GRHL3: variants seen among roughly 807,000 people sequenced by gnomAD.
GRHL3 encodes grainyhead like transcription factor 3, also known as grainyhead-like protein 3 homolog.
A neutral mutation model predicts 70.3 loss-of-function variants in GRHL3; 20 were observed. The ratio of observed to expected loss-of-function variants is 0.28; its 90% confidence interval spans 0.20 to 0.41. The LOEUF (loss-of-function observed/expected upper bound fraction) is 0.41, where lower values mean the gene tolerates loss of function less well. Among genes scored for constraint, GRHL3 ranks in the 10% least tolerant of loss-of-function variants. The pLI is 1.00. For missense variants in GRHL3, 637 were observed against 762.3 expected, an observed-to-expected ratio of 0.84 and a Z score of 1.94; for synonymous variants, 299 against 299.9, an observed-to-expected ratio of 1.00 and a Z score of 0.03.
intron 12 of GRHL3, among the ~76,000 whole-genome samples, chr1:24,346,201 G>A (rs1402511658): frequency 2.7e-5 from 4 of 150,640 alleles, no homozygotes; most frequent in African/African-American, 9.8e-5. Context: ...CATTTATTGA[G>A]GCCCTCCTGT....
At chr1:24,347,812 T>C (rs1640352242) in intron 14 of GRHL3, among the ~76,000 whole-genome samples, 1 of 152,250 alleles carries the variant, frequency 6.6e-6, no homozygotes, top group Non-Finnish European at 1.5e-5. Flanking sequence ...GGCTGCTGTC[T>C]GACAGGCCAG....
intron 11 of GRHL3, chr1:24,343,293 C>G: frequency 2.3e-6 from 1 of 434,546 alleles, no homozygotes; most frequent in East Asian, 3.8e-5. Flanking sequence ...CTTCTGATAT[C>G]TGACCCCAAA....
In GRHL3 at chr1:24,347,460, C is replaced by T. The variant is rs1159114462; in HGVS notation, c.1544-8C>T. ...TTCCTTGCACTCAAGCTGGCCCTTGCTTTTCAGTTCTGCTGTATGTGCGGA... is the reference window on the plus strand; with the variant it reads ...TTCCTTGCACTCAAGCTGGCCCTTGTTTTTCAGTTCTGCTGTATGTGCGGA... On this transcript the variant is annotated splice_region_variant and splice_polypyrimidine_tract_variant and intron_variant, in intron 13 of 15. Transcript: ENST00000361548. 2 of 1,613,306 alleles carry T rather than the reference C, an allele frequency of 1.2e-6. No individual in the cohort carries two copies. Among genetic ancestry groups the T allele is most frequent in the South Asian group, 2.2e-5 (2 of 91,078 alleles).
intron 15 of GRHL3, among the ~76,000 whole-genome samples, chr1:24,363,058 G>C (rs1174869944): frequency 6.6e-6 from 1 of 152,160 alleles, no homozygotes; most frequent in Non-Finnish European, 1.5e-5. Context: ...GGAAATTACA[G>C]CTGGAACAAA....
At chr1:24,356,306 G>A (rs1422904292), downstream of GRHL3, among the ~76,000 whole-genome samples, 3 of 151,110 alleles carry the variant, frequency 2.0e-5, no homozygotes, top group African/African-American at 7.3e-5. Flanking sequence ...GGAGTGGCAC[G>A]ATCTCGACTC....
Position 24,335,584 on chromosome 1 carries a change from A to ATT in GRHL3, c.267-883_267-882dup, listed in dbSNP as rs11382769. Among the ~76,000 whole-genome samples the ATT allele has an allele frequency of 2.9e-3, 418 of 142,868 alleles. 2 individuals are homozygous for ATT. Among genetic ancestry groups the ATT allele is most frequent in the Middle Eastern group, 7.4e-3 (2 of 272 alleles). The allele number at this position is 142,868 out of a possible 152,430, so 93.7% of individuals were successfully genotyped here. On this transcript the variant is annotated intron_variant, in intron 3 of 15. Transcript: ENST00000361548. ...TACATGGGGACCTTTCTCAAAACTA[A>ATT]TTTTTTTTTTTTTTTTGAGACGGAG... is the stretch of plus-strand genomic sequence containing the variant.
intron 2 of GRHL3, among the ~76,000 whole-genome samples, chr1:24,333,141 A>G (rs1639671034): frequency 6.6e-6 from 1 of 152,182 alleles, no homozygotes; most frequent in Admixed American, 6.5e-5. Flanking sequence ...TGACATTGAT[A>G]ATACTGGTTT....
chr1:24,329,041 C>A (rs541582977), intron 1 of GRHL3, among the ~76,000 whole-genome samples: 51 of 152,290 alleles, frequency 3.3e-4, no homozygotes, highest in African/African-American at 1.2e-3. Flanking sequence ...GCCCAGGAAG[C>A]AATGAGGAGG....
At chr1:24,344,155 G>A (rs1640154717) in intron 11 of GRHL3, among the ~76,000 whole-genome samples, 1 of 152,124 alleles carries the variant, frequency 6.6e-6, no homozygotes, top group South Asian at 2.1e-4. Flanking sequence ...GCCTGGGAGA[G>A]GGGAAGCCCA....
In GRHL3 at chr1:24,343,035, G is replaced by A. The variant is rs2148660639; in HGVS notation, c.1419+10G>A. 6.2e-7 allele frequency: 1 copy of A among 1,613,996 alleles called. No homozygotes were observed. The highest frequency in any genetic ancestry group is 8.5e-7 in the Non-Finnish European group (1 of 1,179,958). On this transcript the variant is annotated intron_variant, in intron 11 of 15. Transcript: ENST00000361548. ...GCAGCGCTCTGGAGGGGTGAGGCCA[G>A]GGCTGGGGTCTCGGGAAGGAGCCGA...
At chr1:24,358,696 G>T, downstream of GRHL3, 1 of 1,207,786 alleles carries the variant, frequency 8.3e-7, no homozygotes, top group Non-Finnish European at 1.2e-6. Flanking sequence ...CTACCTCAGA[G>T]CTGGAAAGGC....
Position 24,342,295 on chromosome 1 carries a change from T to C in GRHL3, c.1206+22T>C. On this transcript the variant is annotated intron_variant, in intron 9 of 15. Transcript: ENST00000361548. This position sits in a 1 kb window ranked among gnomAD's most constrained non-coding sequence, Gnocchi z 4.8. The stretch of plus-strand genomic sequence containing the variant: ...CAAGGTGGCTGGACTGGGCAGACCC[T>C]ATACTGGGTCCCGGGGAGGTAGAAG... 6.4e-7 allele frequency: 1 copy of C among 1,573,862 alleles called. No individual in the cohort carries two copies. The highest frequency in any genetic ancestry group is 1.2e-5 in the South Asian group (1 of 85,896).
downstream of GRHL3, chr1:24,358,418 G>A (rs1227738806): frequency 1.2e-6 from 1 of 826,892 alleles, no homozygotes; most frequent in South Asian, 1.4e-5. Context: ...AGGCCAGAGT[G>A]GTAGAGCCAC....
chr1:24,338,347 G>T (rs1042044482), intron 7 of GRHL3, among the ~76,000 whole-genome samples: 1 of 152,232 alleles, frequency 6.6e-6, no homozygotes, highest in Non-Finnish European at 1.5e-5. Flanking sequence ...AGGCTCCTGC[G>T]ATGCTGGCCT....
downstream of GRHL3, chr1:24,358,505 C>G: frequency 6.5e-7 from 1 of 1,540,112 alleles, no homozygotes; most frequent in East Asian, 2.2e-5. Context: ...GCAGGGTGGG[C>G]TGGTGGCTGG....
intron 2 of GRHL3, among the ~76,000 whole-genome samples, chr1:24,333,582 A>G (rs1258873051): frequency 6.6e-6 from 1 of 152,182 alleles, no homozygotes; most frequent in African/African-American, 2.4e-5. Context: ...TGAGTGTTCA[A>G]AGTGACCCCC....
downstream of GRHL3, among the ~76,000 whole-genome samples, chr1:24,360,205 G>A (rs1317834419): frequency 6.6e-6 from 1 of 152,204 alleles, no homozygotes; most frequent in Non-Finnish European, 1.5e-5. Context: ...AGCACTCTGG[G>A]AGGCCAAGAC....
intron 15 of GRHL3, among the ~76,000 whole-genome samples, chr1:24,363,171 C>A (rs115584799): frequency 3.3e-5 from 5 of 152,320 alleles, no homozygotes; most frequent in Admixed American, 6.5e-5. Flanking sequence ...GCTTTCTTAG[C>A]CAAGGACAGC....
chr1:24,334,797 A>AAT lies in GRHL3; in HGVS notation c.266+91_266+92insAT. ...CAGGTTTGACTTATCCATTAGGCAC[A>AAT]GGAGGCACAGTGCTGAGGGCCCACA... On this transcript the variant is annotated intron_variant, in intron 3 of 15. Transcript: ENST00000361548. The surrounding 1 kb of genome is among the most constrained non-coding windows in gnomAD (Gnocchi z 4.3). The AAT allele has an allele frequency of 1.2e-6, 1 of 859,776 alleles. No homozygotes were observed. The highest frequency in any genetic ancestry group is 1.9e-6 in the Non-Finnish European group (1 of 540,354). 53.3% of individuals were successfully genotyped at this position (859,776 alleles called of 1,614,324 possible).
Sources: allele counts gnomAD v4.1 joint callset (sites outside exome capture counted in the v4.1 genomes callset), GRCh38; gene constraint gnomAD v4.1.1; non-coding constraint Gnocchi (gnomAD v3.1); transcripts MANE v1.5; gene names NCBI Gene and HGNC (gene_info 2026-07-23, HGNC 2026-07-21).